Variants in MON1A observed in about 807,000 individuals in gnomAD.
MON1A encodes vacuolar fusion protein MON1 homolog A.
A neutral mutation model predicts 44.6 loss-of-function variants in MON1A; 29 were observed. The observed-to-expected ratio is 0.65, with a 90% CI of 0.48 to 0.89. The LOEUF is 0.89. Among genes scored for constraint, MON1A ranks in the 40% least tolerant of loss-of-function variants. The pLI, the probability that MON1A is intolerant of heterozygous loss-of-function variation, is 0.00. For synonymous variants in MON1A, 275 were observed against 316.4 expected, an observed-to-expected ratio of 0.87 and a Z score of 1.39; for missense variants, 615 against 759.6, an observed-to-expected ratio of 0.81 and a Z score of 2.24.
At position 49,909,010 on chromosome 3, in the gene MON1A, C is replaced by G. The variant is rs748432039; in HGVS notation, c.*4G>C. On this transcript the variant is annotated 3_prime_UTR_variant, in exon 6 of 6. Transcript: ENST00000296473. This position sits in a 1 kb window ranked among gnomAD's most constrained non-coding sequence, Gnocchi z 4.0. ...CAGGAAGGCTGAGCCCGCACACATT[C>G]CCATCAATAGGTGAGGGGCGTGAGA... The G allele has an allele frequency of 1.2e-6, 2 of 1,610,060 alleles. No individual in the cohort carries two copies. The highest frequency in any genetic ancestry group is 1.7e-6 in the Non-Finnish European group (2 of 1,177,652).
chr3:49,926,395 T>C (rs940475728), intron 1 of MON1A, among the ~76,000 whole-genome samples: 10 of 152,216 alleles, frequency 6.6e-5, no homozygotes, highest in African/African-American at 2.4e-4. Context: ...TTTATTTCTC[T>C]GGATTGAAGG....
intron 1 of MON1A, chr3:49,916,689 C>T (rs912437012): frequency 6.6e-6 from 1 of 152,186 alleles, no homozygotes; most frequent in African/African-American, 2.4e-5. Context: ...GAGTCAGAGC[C>T]CAGAAGGAAA....
At chr3:49,926,406 T>A (rs1037844630) in intron 1 of MON1A, among the ~76,000 whole-genome samples, 1 of 152,196 alleles carries the variant, frequency 6.6e-6, no homozygotes, top group Admixed American at 6.6e-5. Flanking sequence ...GGATTGAAGG[T>A]TACCCTGTGA....
intron 1 of MON1A, among the ~76,000 whole-genome samples, chr3:49,920,275 C>G (rs2082984825): frequency 6.6e-6 from 1 of 152,164 alleles, no homozygotes; most frequent in Non-Finnish European, 1.5e-5. Context: ...TTTCTTGGCT[C>G]TCTTCTGACC....
Position 49,911,161 on chromosome 3 carries a change from T to TG in MON1A, c.614-278dup, listed in dbSNP as rs1340201284. Among the ~76,000 whole-genome samples, 2 of 121,506 alleles carry TG rather than the reference T, an allele frequency of 1.6e-5. No homozygotes were observed. 79.7% of individuals were successfully genotyped at this position (121,506 alleles called of 152,430 possible). A position where few individuals can be genotyped will look rare whatever the true frequency, so the allele number is the denominator to read the frequency against. On this transcript the variant is annotated intron_variant, in intron 3 of 5. Transcript: ENST00000296473. The surrounding 1 kb of genome is among the most constrained non-coding windows in gnomAD (Gnocchi z 5.7). ...TGGCAACTGGCAAGGGCTGGCTGGG[T>TG]GGAGCTCAGGACCTGGGAGATAGAT...
At position 49,922,891 on chromosome 3, in the gene MON1A, AGTAGAGACAGG is replaced by A. The variant is rs984381867; in HGVS notation, c.-14+6707_-14+6717del. On this transcript the variant is annotated intron_variant, in intron 1 of 5. Coordinates refer to ENST00000296473, the MANE Select transcript of MON1A (RefSeq NM_032355.4). Reference sequence around the variant, plus strand: ...CACACAGGCTAATTTTTGTATTTTTAGTAGAGACAGGGTTTCACCATGTTAGCCAGGCTGGT... The same window carrying A: ...CACACAGGCTAATTTTTGTATTTTTAGTTTCACCATGTTAGCCAGGCTGGT... 1.6e-4 allele frequency among the ~76,000 whole-genome samples: 25 copies of A among 151,628 alleles called. No homozygotes were observed. In the Middle Eastern group the frequency reaches 0.01, roughly 62 times the overall value.
In MON1A at chr3:49,910,175, G is replaced by A. The variant is rs750786671; in HGVS notation, c.1323C>T (p.Gly441=). The change falls in exon 4 of 6, where the codon GGC becomes GGT. Residue 441 remains glycine (G), a synonymous_variant. Coordinates refer to ENST00000296473, the MANE Select transcript of MON1A (RefSeq NM_032355.4). This position sits in a 1 kb window ranked among gnomAD's most constrained non-coding sequence, Gnocchi z 8.0. The part of the protein sequence containing the change: ...RTPYYSVAQV[G]IPDLRHFLYK... ...AGAGGAAGTGACGCAGGTCAGGGAT[G>A]CCCACTTGGGCAACGCTGTAGTAGG... 7 of 1,611,828 alleles carry A rather than the reference G, an allele frequency of 4.3e-6. No homozygotes were observed. The highest frequency in any genetic ancestry group is 5.9e-6 in the Non-Finnish European group (7 of 1,178,154).
At chr3:49,916,036 C>T (rs1385884952) in intron 1 of MON1A, 1 of 152,264 alleles carries the variant, frequency 6.6e-6, no homozygotes, top group Non-Finnish European at 1.5e-5. Context: ...AGGGCAGAGA[C>T]TCATGGAGCA....
At chr3:49,928,917 G>T (rs2083072085) in intron 1 of MON1A, among the ~76,000 whole-genome samples, 1 of 152,146 alleles carries the variant, frequency 6.6e-6, no homozygotes, top group Non-Finnish European at 1.5e-5. Flanking sequence ...CAGGCAAACT[G>T]GTGCAAAGTC....
Position 49,911,835 on chromosome 3 carries a change from T to A in MON1A, c.304A>T (p.Thr102Ser), listed in dbSNP as rs139576906. 2 of 1,613,930 alleles carry A rather than the reference T, an allele frequency of 1.2e-6. No homozygotes were observed. The highest frequency in any genetic ancestry group is 1.7e-6 in the Non-Finnish European group (2 of 1,180,002). ...QDFSELSTQL[T>S]GVARDLQEEM... Reference sequence around the variant, plus strand: ...TCCTGCAGGTCCCGGGCCACACCCGTCAGCTGGGTGCTTAGCTCGCTAAAG... The same window carrying A: ...TCCTGCAGGTCCCGGGCCACACCCGACAGCTGGGTGCTTAGCTCGCTAAAG... The change falls in exon 3 of 6, where the codon ACG becomes TCG. Residue 102 changes from threonine (T) to serine (S), a missense_variant. Physicochemically the swap from Thr to Ser is moderately conservative, Grantham distance 58 (BLOSUM62 1). Transcript: ENST00000296473. The surrounding 1 kb of genome is among the most constrained non-coding windows in gnomAD (Gnocchi z 5.7).
Position 49,909,104 on chromosome 3 carries a change from C to G in MON1A, c.1578G>C (p.Lys526Asn). ...TATGGATGGCACTGACGGCTGACGC[C>G]TTGGTCCCCAGGGGGCTGTAACACA... ...LYMCYSPLGT[K>N]ASAVSAIHKL... Residue 526 changes from lysine to asparagine, a missense_variant, in exon 6 of 6, where the codon AAG (lysine) becomes AAC (asparagine). Transcript: ENST00000296473. This position sits in a 1 kb window ranked among gnomAD's most constrained non-coding sequence, Gnocchi z 4.0. The G allele has an allele frequency of 1.2e-6, 2 of 1,613,594 alleles. No homozygotes were observed. Among genetic ancestry groups the G allele is most frequent in the Non-Finnish European group, 1.7e-6 (2 of 1,179,676 alleles).
At chr3:49,929,347 G>C (rs1434837029) in intron 1 of MON1A, 1 of 550,708 alleles carries the variant, frequency 1.8e-6, no homozygotes, top group Non-Finnish European at 3.2e-6. Context: ...GGGCGGGGGT[G>C]GGGGAGTGGG....
At position 49,909,842 on chromosome 3, in the gene MON1A, C is replaced by T. The variant is rs2082853063; in HGVS notation, c.1379+277G>A. The T allele has an allele frequency of 7.4e-6, 3 of 404,412 alleles. No homozygotes were observed. The highest frequency in any genetic ancestry group is 4.4e-6 in the Non-Finnish European group (1 of 227,214). The allele number at this position is 404,412 out of a possible 1,614,324, so 25.1% of individuals were successfully genotyped here. A position where few individuals can be genotyped will look rare whatever the true frequency, so the allele number is the denominator to read the frequency against. The stretch of plus-strand genomic sequence containing the variant: ...AAATGACCCCTAAAGTAGAGTTGCT[C>T]CAGGGCAAGGGACCCCGGAGACCTC... On this transcript the variant is annotated intron_variant, in intron 4 of 5. Coordinates refer to ENST00000296473, the MANE Select transcript of MON1A (RefSeq NM_032355.4). The surrounding 1 kb of genome is among the most constrained non-coding windows in gnomAD (Gnocchi z 4.0).
chr3:49,910,451 G>A lies in MON1A; in HGVS notation c.1047C>T (p.Phe349=), dbSNP rs753710770. 2 of 1,614,240 alleles carry A rather than the reference G, an allele frequency of 1.2e-6. No individual in the cohort carries two copies. The highest frequency in any genetic ancestry group is 8.5e-7 in the Non-Finnish European group (1 of 1,180,044). ...FLHPIDLHLL[F]NLISSSSSFR... ...AGGACGAGGAGGAACTAATGAGGTT[G>A]AAGAGCAGGTGCAGGTCGATGGGGT... is the stretch of plus-strand genomic sequence containing the variant. Residue 349 remains phenylalanine, a synonymous_variant, in exon 4 of 6, where the codon TTC becomes TTT. Coordinates refer to ENST00000296473, the MANE Select transcript of MON1A (RefSeq NM_032355.4). This position sits in a 1 kb window ranked among gnomAD's most constrained non-coding sequence, Gnocchi z 8.0.
At chr3:49,927,088 T>G (rs1260968576) in intron 1 of MON1A, among the ~76,000 whole-genome samples, 2 of 152,164 alleles carry the variant, frequency 1.3e-5, no homozygotes, top group Non-Finnish European at 2.9e-5. Flanking sequence ...TGAACTTGTG[T>G]TTTTATCCCT....
intron 1 of MON1A, among the ~76,000 whole-genome samples, chr3:49,918,572 C>T (rs370889832): frequency 2.8e-4 from 42 of 151,924 alleles, no homozygotes; most frequent in Admixed American, 4.6e-4. Context: ...CCACTTCGCC[C>T]GGATAATGTT....
chr3:49,923,657 T>G (rs538856042), intron 1 of MON1A, among the ~76,000 whole-genome samples: 1 of 150,776 alleles, frequency 6.6e-6, no homozygotes, highest in Non-Finnish European at 1.5e-5. Flanking sequence ...TTCACCATGT[T>G]GGCCAGGCTA....
intron 2 of MON1A, 115 bp from the exon 3 acceptor site, chr3:49,912,126 A>G (rs987664917): frequency 7.8e-7 from 1 of 1,288,898 alleles, no homozygotes; most frequent in African/African-American, 1.5e-5. Context: ...GGATCAAGCC[A>G]CTGTTCCCTT....
At chr3:49,925,395 G>A (rs149396387) in intron 1 of MON1A, among the ~76,000 whole-genome samples, 40 of 152,290 alleles carry the variant, frequency 2.6e-4, no homozygotes, top group African/African-American at 8.4e-4. Flanking sequence ...GATTACAGGT[G>A]TGAGCCACCA....
Sources: gnomAD v4.1 joint callset for allele counts (sites outside exome capture counted in the v4.1 genomes callset) on GRCh38, gnomAD v4.1.1 for gene constraint, Gnocchi (gnomAD v3.1) non-coding constraint, MANE v1.5 for transcripts, NCBI Gene and HGNC (gene_info 2026-07-23, HGNC 2026-07-21) for gene names.